Variants in SPATA31D1 observed in about 807,000 individuals in gnomAD.
The protein encoded by SPATA31D1 is spermatogenesis-associated protein 31D1.
A neutral mutation model predicts 13.2 loss-of-function variants in SPATA31D1; 6 were observed. That is an observed-to-expected ratio of 0.46 (90% CI 0.25 to 0.90). SPATA31D1 has a LOEUF of 0.90. Among genes scored for constraint, SPATA31D1 ranks in the 40% least tolerant of loss-of-function variants. The pLI, the probability that SPATA31D1 is intolerant of heterozygous loss-of-function variation, is 0.18. For missense variants in SPATA31D1, 2,445 were observed against 1,884.7 expected (o/e 1.30, Z -5.50); for synonymous variants, 903 against 718.8 (o/e 1.26, Z -4.10).
At position 81,992,553 on chromosome 9, in the gene SPATA31D1, C is replaced by T. The variant is rs1195083984; in HGVS notation, c.2083C>T (p.Leu695Phe). The T allele has an allele frequency of 1.4e-5, 23 of 1,611,978 alleles. No individual in the cohort carries two copies. The highest frequency in any genetic ancestry group is 1.9e-5 in the Non-Finnish European group (22 of 1,179,726). The change falls in exon 4 of 4, where the codon CTC becomes TTC. Residue 695 changes from leucine (L) to phenylalanine (F), a missense_variant. By Grantham distance (22) the Leu-to-Phe change is conservative. Coordinates refer to ENST00000344803, the MANE Select transcript of SPATA31D1 (RefSeq NM_001001670.3). ...KKLEQHIRRR[L>F]IQRRWGLPRR... is the part of the protein sequence containing the mutation. ...ACTAGAGCAACACATTCGAAGGAGG[C>T]TCATCCAGCGCAGATGGGGCCTGCC...
chr9:81,992,673 T>C lies in SPATA31D1; in HGVS notation c.2203T>C (p.Ser735Pro), dbSNP rs200441343. 6.2e-7 allele frequency: 1 copy of C among 1,613,744 alleles called. No individual in the cohort carries two copies. ...GAGAATTCATGGACCGTTAAATATC[T>C]CTTTGGTTGAGGGTCAGAGGTGCAA... The part of the protein sequence containing the change: ...SERIHGPLNI[S>P]LVEGQRCNVL... Residue 735 changes from serine (S) to proline (P), a missense_variant, in exon 4 of 4, where the codon TCT becomes CCT. Coordinates refer to ENST00000344803, the MANE Select transcript of SPATA31D1 (RefSeq NM_001001670.3).
rs376317955 is a variant in SPATA31D1 at position 81,991,918 on chromosome 9, A to G, written c.1448A>G (p.His483Arg). 9 of 1,613,694 alleles carry G rather than the reference A, an allele frequency of 5.6e-6. No individual in the cohort carries two copies. Among genetic ancestry groups the G allele is most frequent in the African/African-American group, 1.3e-5 (1 of 74,924 alleles). The part of the protein sequence containing the change: ...SKGKLEWQHI[H>R]QQPPHSKCFE... ...GGCAAACTAGAATGGCAGCACATCCATCAGCAGCCTCCACACTCTAAATGC... is the reference window on the plus strand; with the variant it reads ...GGCAAACTAGAATGGCAGCACATCCGTCAGCAGCCTCCACACTCTAAATGC... The change falls in exon 4 of 4, where the codon CAT (histidine) becomes CGT (arginine). Residue 483 changes from histidine to arginine, a missense_variant. Transcript: ENST00000344803.
rs1218944812 is a variant in SPATA31D1, at chr9:81,992,136, C to T, written c.1666C>T (p.Pro556Ser). The T allele has an allele frequency of 1.2e-6, 2 of 1,613,678 alleles. No homozygotes were observed. Among genetic ancestry groups the T allele is most frequent in the Admixed American group, 3.3e-5 (2 of 60,004 alleles). Residue 556 changes from proline to serine, a missense_variant, in exon 4 of 4, where the codon CCT (proline) becomes TCT (serine). Transcript: ENST00000344803. ...VLPPPQPLSL[P>S]STQPLPLPQT... The stretch of plus-strand genomic sequence containing the variant: ...TCCCCCTCCCCAACCTCTGTCCTTG[C>T]CTAGTACCCAACCACTACCCTTGCC...
Position 81,993,679 on chromosome 9 carries a change from A to C in SPATA31D1, c.3209A>C (p.Asp1070Ala). The C allele has an allele frequency of 6.2e-7, 1 of 1,614,040 alleles. No individual in the cohort carries two copies. The highest frequency in any genetic ancestry group is 8.5e-7 in the Non-Finnish European group (1 of 1,179,900). The part of the protein sequence containing the change: ...KQGTLRREFS[D>A]TDNDLTESVR... ...GGGACCCTGAGAAGAGAATTCTCTG[A>C]TACTGACAATGATCTTACAGAAAGT... Residue 1070 changes from aspartate to alanine, a missense_variant, in exon 4 of 4, where the codon GAT (aspartate) becomes GCT (alanine). By Grantham distance (126) the Asp-to-Ala change is moderately radical (BLOSUM62 -2). Transcript: ENST00000344803.
In SPATA31D1 at chr9:81,994,982, A is replaced by G. The variant is rs1270829121; in HGVS notation, c.4512A>G (p.Ala1504=). 4 of 1,613,882 alleles carry G rather than the reference A, an allele frequency of 2.5e-6. No individual in the cohort carries two copies. The highest frequency in any genetic ancestry group is 3.4e-6 in the Non-Finnish European group (4 of 1,179,876). ...ACAGACAGCCCCAGAAAGTTGAGGC[A>G]TTTAAGGGGAAGATACTGTGTCAAA... ...DKDRQPQKVE[A]FKGKILCQSH... Residue 1504 remains alanine (A), a synonymous_variant, in exon 4 of 4, where the codon GCA becomes GCG. Coordinates refer to ENST00000344803, the MANE Select transcript of SPATA31D1 (RefSeq NM_001001670.3).
chr9:81,993,561 G>T lies in SPATA31D1; in HGVS notation c.3091G>T (p.Asp1031Tyr). The T allele has an allele frequency of 6.2e-7, 1 of 1,613,704 alleles. No individual in the cohort carries two copies. The highest frequency in any genetic ancestry group is 8.5e-7 in the Non-Finnish European group (1 of 1,179,836). Residue 1031 changes from aspartate (D) to tyrosine (Y), a missense_variant, in exon 4 of 4, where the codon GAT becomes TAT. Coordinates refer to ENST00000344803, the MANE Select transcript of SPATA31D1 (RefSeq NM_001001670.3). The stretch of plus-strand genomic sequence containing the variant: ...CACATCCCTTAGAAGAGGTACTACA[G>T]ATTTTCAAAGCGAAAAATTAGATTC... ...ASTSLRRGTT[D>Y]FQSEKLDSTS...
Position 81,990,401 on chromosome 9 carries a change from A to C in SPATA31D1, c.233-16A>C, listed in dbSNP as rs779897794. On this transcript the variant is annotated splice_polypyrimidine_tract_variant and intron_variant, in intron 2 of 3. Coordinates refer to ENST00000344803, the MANE Select transcript of SPATA31D1 (RefSeq NM_001001670.3). ...CCGTGTGCCTCTATCTTCATTGCAT[A>C]TAACATACTATTCAGGTTTCCCAGA... The C allele has an allele frequency of 6.3e-7, 1 of 1,590,744 alleles. No individual in the cohort carries two copies. Among genetic ancestry groups the C allele is most frequent in the South Asian group, 1.1e-5 (1 of 87,420 alleles).
intron 1 of SPATA31D1, among the ~76,000 whole-genome samples, chr9:81,989,462 T>C (rs557471042): frequency 6.6e-6 from 1 of 152,200 alleles, no homozygotes; most frequent in African/African-American, 2.4e-5. Context: ...GCTATAGGCC[T>C]GTCTCCGTGA....
chr9:81,992,122 A>G lies in SPATA31D1; in HGVS notation c.1652A>G (p.Gln551Arg). Residue 551 changes from glutamine (Q) to arginine (R), a missense_variant, in exon 4 of 4, where the codon CAA (glutamine) becomes CGA (arginine). Physicochemically the swap from Gln to Arg is conservative, Grantham distance 43. Coordinates refer to ENST00000344803, the MANE Select transcript of SPATA31D1 (RefSeq NM_001001670.3). ...GAATCCCCAGTACTTCCCCCTCCCC[A>G]ACCTCTGTCCTTGCCTAGTACCCAA... is the stretch of plus-strand genomic sequence containing the variant. ...SHESPVLPPP[Q>R]PLSLPSTQPL... 1 of 1,613,586 alleles carries G rather than the reference A, an allele frequency of 6.2e-7. No individual in the cohort carries two copies. The highest frequency in any genetic ancestry group is 8.5e-7 in the Non-Finnish European group (1 of 1,179,702).
At position 81,991,871 on chromosome 9, in the gene SPATA31D1, C is replaced by T. The variant is rs373549075; in HGVS notation, c.1401C>T (p.Ser467=). 6.2e-7 allele frequency: 1 copy of T among 1,613,630 alleles called. No homozygotes were observed. The highest frequency in any genetic ancestry group is 8.5e-7 in the Non-Finnish European group (1 of 1,179,724). Residue 467 remains serine, a synonymous_variant, in exon 4 of 4, where the codon TCC becomes TCT. Coordinates refer to ENST00000344803, the MANE Select transcript of SPATA31D1 (RefSeq NM_001001670.3). Reference sequence around the variant, plus strand: ...CTGTTAAGCATGACTTGGCAGAATCCTTTCCTTTTTGGGCCAGTAAAGGCA... The same window carrying T: ...CTGTTAAGCATGACTTGGCAGAATCTTTTCCTTTTTGGGCCAGTAAAGGCA... ...SIAVKHDLAE[S]FPFWASKGKL...
In SPATA31D1 at chr9:81,992,611, G is replaced by C. The variant is rs374174863; in HGVS notation, c.2141G>C (p.Arg714Pro). The C allele has an allele frequency of 5.0e-6, 8 of 1,613,136 alleles. No individual in the cohort carries two copies. The highest frequency in any genetic ancestry group is 6.8e-6 in the Non-Finnish European group (8 of 1,179,732). ...RRIHESLSLLRPQSKISELSV... is the reference protein window; with the variant it reads ...RRIHESLSLLPPQSKISELSV... ...ATCCATGAGTCTCTGTCATTGCTAC[G>C]TCCTCAGAGCAAAATTTCAGAGCTA... The change falls in exon 4 of 4, where the codon CGT becomes CCT. Residue 714 changes from arginine (R) to proline (P), a missense_variant. Coordinates refer to ENST00000344803, the MANE Select transcript of SPATA31D1 (RefSeq NM_001001670.3).
rs541052436 is a variant in SPATA31D1, at chr9:81,994,834, A to G, written c.4364A>G (p.Gln1455Arg). The G allele has an allele frequency of 6.2e-7, 1 of 1,613,978 alleles. No individual in the cohort carries two copies. Among genetic ancestry groups the G allele is most frequent in the African/African-American group, 1.3e-5 (1 of 75,056 alleles). The change falls in exon 4 of 4, where the codon CAG becomes CGG. Residue 1455 changes from glutamine to arginine, a missense_variant. Physicochemically the swap from Gln to Arg is conservative, Grantham distance 43. Coordinates refer to ENST00000344803, the MANE Select transcript of SPATA31D1 (RefSeq NM_001001670.3). Reference protein sequence around the residue: ...PEVHVRAEPVQGCPCNYRAPS... With the variant: ...PEVHVRAEPVRGCPCNYRAPS... ...GTGCATGTCAGAGCAGAGCCTGTCC[A>G]GGGCTGTCCCTGCAACTACAGGGCT...
chr9:81,991,528 C>A lies in SPATA31D1; in HGVS notation c.1058C>A (p.Ser353Tyr). The A allele has an allele frequency of 1.2e-6, 2 of 1,613,936 alleles. No individual in the cohort carries two copies. The highest frequency in any genetic ancestry group is 4.5e-5 in the East Asian group (2 of 44,896). Residue 353 changes from serine to tyrosine, a missense_variant, in exon 4 of 4, where the codon TCT becomes TAT. Ser to Tyr is a moderately radical substitution (Grantham distance 144, BLOSUM62 -2). Transcript: ENST00000344803. ...IKGIDHSHLASSEFTWWQPHA... is the reference protein window; with the variant it reads ...IKGIDHSHLAYSEFTWWQPHA... The stretch of plus-strand genomic sequence containing the variant: ...GGCATTGACCATTCACACCTTGCAT[C>A]TTCAGAATTCACCTGGTGGCAGCCT...
Position 81,991,994 on chromosome 9 carries a change from A to G in SPATA31D1, c.1524A>G (p.Pro508=). The G allele has an allele frequency of 1.2e-6, 2 of 1,613,814 alleles. No homozygotes were observed. Among genetic ancestry groups the G allele is most frequent in the Non-Finnish European group, 8.5e-7 (1 of 1,179,716 alleles). Residue 508 remains proline (P), a synonymous_variant, in exon 4 of 4, where the codon CCA becomes CCG. Coordinates refer to ENST00000344803, the MANE Select transcript of SPATA31D1 (RefSeq NM_001001670.3). ...ATGTCCAGCTCTTCTGGGGTCTCCC[A>G]TCTTTGCACAGCGAGTCTCTGCATC... ...QKYVQLFWGL[P]SLHSESLHPT...
At chr9:81,987,989 T>G (rs1429253256), upstream of SPATA31D1, among the ~76,000 whole-genome samples, 1 of 152,184 alleles carries the variant, frequency 6.6e-6, no homozygotes, top group Non-Finnish European at 1.5e-5. Context: ...GAGGCAGCGT[T>G]AAACAGAACT....
chr9:81,994,490 G>A lies in SPATA31D1; in HGVS notation c.4020G>A (p.Leu1340=). ...TTGGGAGCAAATCTTCCCCAACCTT[G>A]AAAACACAGCCTCCTCCTGAAAACC... The part of the protein sequence containing the change: ...EVLGSKSSPT[L]KTQPPPENLF... Residue 1340 remains leucine, a synonymous_variant, in exon 4 of 4, where the codon TTG becomes TTA. Coordinates refer to ENST00000344803, the MANE Select transcript of SPATA31D1 (RefSeq NM_001001670.3). The A allele has an allele frequency of 1.2e-6, 2 of 1,613,460 alleles. No individual in the cohort carries two copies. Among genetic ancestry groups the A allele is most frequent in the Non-Finnish European group, 1.7e-6 (2 of 1,179,652 alleles).
At position 81,989,880 on chromosome 9, in the gene SPATA31D1, G is replaced by C. The variant is rs1824917817; in HGVS notation, c.232+57G>C. ...GGGTGACCCTTTCTGTCTCTTTCATGATGACTCAGTCCCATGATTTCTTAG... is the reference window on the plus strand; with the variant it reads ...GGGTGACCCTTTCTGTCTCTTTCATCATGACTCAGTCCCATGATTTCTTAG... On this transcript the variant is annotated intron_variant, in intron 2 of 3. Coordinates refer to ENST00000344803, the MANE Select transcript of SPATA31D1 (RefSeq NM_001001670.3). 4.4e-6 allele frequency: 7 copies of C among 1,579,022 alleles called. No homozygotes were observed. In the Admixed American group the frequency reaches 1.0e-4, roughly 24 times the overall value.
rs781733555 is a variant in SPATA31D1, at chr9:81,992,009, G to A, written c.1539G>A (p.Glu513=). The change falls in exon 4 of 4, where the codon GAG becomes GAA. Residue 513 remains glutamate (E), a synonymous_variant. Coordinates refer to ENST00000344803, the MANE Select transcript of SPATA31D1 (RefSeq NM_001001670.3). ...LFWGLPSLHS[E]SLHPTVLVQR... ...GGGGTCTCCCATCTTTGCACAGCGAGTCTCTGCATCCTACTGTTCTTGTCC... is the reference window on the plus strand; with the variant it reads ...GGGGTCTCCCATCTTTGCACAGCGAATCTCTGCATCCTACTGTTCTTGTCC... 2 of 1,613,792 alleles carry A rather than the reference G, an allele frequency of 1.2e-6. No individual in the cohort carries two copies. Among genetic ancestry groups the A allele is most frequent in the Non-Finnish European group, 1.7e-6 (2 of 1,179,726 alleles).
Position 81,993,125 on chromosome 9 carries a change from C to T in SPATA31D1, c.2655C>T (p.Cys885=), listed in dbSNP as rs755697636. 31 of 1,613,950 alleles carry T rather than the reference C, an allele frequency of 1.9e-5. No individual in the cohort carries two copies. Among genetic ancestry groups the T allele is most frequent in the African/African-American group, 2.7e-5 (2 of 75,044 alleles). Residue 885 remains cysteine, a synonymous_variant, in exon 4 of 4, where the codon TGC becomes TGT. Coordinates refer to ENST00000344803, the MANE Select transcript of SPATA31D1 (RefSeq NM_001001670.3). ...TAACATTGGTGAGTGAGGACCACTGCGTTGATACTTCCCAGGAAATTTCCT... is the reference window on the plus strand; with the variant it reads ...TAACATTGGTGAGTGAGGACCACTGTGTTGATACTTCCCAGGAAATTTCCT... ...NLVTLVSEDH[C]VDTSQEISFL...
Sources: allele counts gnomAD v4.1 joint callset (sites outside exome capture counted in the v4.1 genomes callset), GRCh38; gene constraint gnomAD v4.1.1; transcripts MANE v1.5; gene names NCBI Gene and HGNC (gene_info 2026-07-23, HGNC 2026-07-21).